The following TFB1M variants were observed in gnomAD, a reference collection of about 807,000 sequenced individuals.
The protein encoded by TFB1M is transcription factor B1, mitochondrial, also known as dimethyladenosine transferase 1, mitochondrial.
A neutral mutation model predicts 31.1 loss-of-function variants in TFB1M; 27 were observed. That is an observed-to-expected ratio of 0.87 (90% CI 0.64 to 1.20). The LOEUF (loss-of-function observed/expected upper bound fraction) is 1.20. Ranked by LOEUF, TFB1M falls within the 50% of genes most tolerant of loss-of-function variation. The probability of loss-of-function intolerance (pLI) is 0.00; values close to 1 mark genes in which losing one functional copy is unlikely to be tolerated. For synonymous variants in TFB1M, 166 were observed against 151.8 expected (o/e 1.09, Z -0.69); for missense variants, 394 against 418.7 (o/e 0.94, Z 0.51).
intron 2 of TFB1M, among the ~76,000 whole-genome samples, chr6:155,309,564 A>C (rs1002497864): frequency 6.6e-6 from 1 of 152,148 alleles, no homozygotes; most frequent in Non-Finnish European, 1.5e-5. Context: ...TTCATATCAA[A>C]GAGGGGAATA....
intron 4 of TFB1M, among the ~76,000 whole-genome samples, chr6:155,285,578 C>T (rs1286091455): frequency 6.6e-6 from 1 of 152,118 alleles, no homozygotes; most frequent in Non-Finnish European, 1.5e-5. Context: ...AGCAGAAGGT[C>T]CTACATAAAA....
Position 155,285,257 on chromosome 6 carries a change from T to C in TFB1M, c.567A>G (p.Gly189=). ...EVAERLAANT[G]SKQRSRLSVM... is the part of the protein sequence containing the mutation. ...CAGAGAGGCGACTACGCTGTTTGCT[T>C]CCTGTATTGGCTGCAAGTCTCTAGA... The change falls in exon 5 of 7, where the codon GGA becomes GGG. Residue 189 remains glycine (G), a synonymous_variant. Transcript: ENST00000367166. 1.2e-6 allele frequency: 2 copies of C among 1,614,002 alleles called. No individual in the cohort carries two copies. Among genetic ancestry groups the C allele is most frequent in the Non-Finnish European group, 1.7e-6 (2 of 1,179,888 alleles).
the TFB1M span, among the ~76,000 whole-genome samples, chr6:155,230,196 T>G: frequency 6.6e-6 from 1 of 152,096 alleles, no homozygotes; most frequent in Non-Finnish European, 1.5e-5. Flanking sequence ...CCACTCCTGC[T>G]CTCCCCTGAG....
chr6:155,293,812 TA>T (rs1279236674), intron 4 of TFB1M, among the ~76,000 whole-genome samples: 3 of 152,232 alleles, frequency 2.0e-5, no homozygotes, highest in African/African-American at 4.8e-5. Context: ...CACTCCCTGT[TA>T]TATTTAGTTT....
At position 155,311,210 on chromosome 6, in the gene TFB1M, G is replaced by A. The variant is rs774073639; in HGVS notation, c.263C>T (p.Thr88Ile). The change falls in exon 2 of 7, where the codon ACT (threonine) becomes ATT (isoleucine). Residue 88 changes from threonine (T) to isoleucine (I), a missense_variant. Transcript: ENST00000367166. The part of the protein sequence containing the change: ...VAELLVVEKD[T>I]RFIPGLQMLS... Reference sequence around the variant, plus strand: ...CACCTGTAATCCAGGAATAAATCGAGTGTCCTTTTCAACCACCAGAAGTTC... The same window carrying A: ...CACCTGTAATCCAGGAATAAATCGAATGTCCTTTTCAACCACCAGAAGTTC... 6 of 1,614,072 alleles carry A rather than the reference G, an allele frequency of 3.7e-6. No homozygotes were observed. Among genetic ancestry groups the A allele is most frequent in the Non-Finnish European group, 5.1e-6 (6 of 1,179,956 alleles).
Position 155,297,018 on chromosome 6 carries a change from T to C in TFB1M, c.481A>G (p.Arg161Gly), listed in dbSNP as rs1162797754. The change falls in exon 4 of 7, where the codon AGA (arginine) becomes GGA (glycine). Residue 161 changes from arginine (R) to glycine (G), a missense_variant. By Grantham distance (125) the Arg-to-Gly change is moderately radical. Transcript: ENST00000367166. The part of the protein sequence containing the change: ...IIKWLENISC[R>G]DGPFVYGRTQ... ...CTGCCATAAACAAAAGGTCCATCTC[T>C]ACAGGAAATATTTTCAAGCCACTTG... 1.2e-6 allele frequency: 2 copies of C among 1,613,956 alleles called. No homozygotes were observed. The highest frequency in any genetic ancestry group is 1.7e-6 in the Non-Finnish European group (2 of 1,179,904).
intron 4 of TFB1M, among the ~76,000 whole-genome samples, chr6:155,293,081 T>C (rs1422599095): frequency 6.6e-6 from 1 of 152,038 alleles, no homozygotes; most frequent in African/African-American, 2.4e-5. Flanking sequence ...CAAGCAATCC[T>C]CCCACCTTAG....
chr6:155,244,626 T>A, the TFB1M span: 2 of 1,609,370 alleles, frequency 1.2e-6, no homozygotes, highest in Non-Finnish European at 1.7e-6. Flanking sequence ...TCATGGCTAA[T>A]CCCCTCATTT....
chr6:155,309,863 T>C (rs560837861), intron 2 of TFB1M, among the ~76,000 whole-genome samples: 25 of 152,336 alleles, frequency 1.6e-4, no homozygotes, highest in Non-Finnish European at 3.1e-4. Flanking sequence ...AAAATCACTA[T>C]TAAATTCCAC....
intron 4 of TFB1M, among the ~76,000 whole-genome samples, chr6:155,290,115 G>GGTGGCTCAC (rs1438592162): frequency 6.6e-5 from 10 of 152,286 alleles, no homozygotes; most frequent in African/African-American, 2.2e-4. Context: ...GGCTGGGCGT[G>GGTGGCTCAC]GTGGCTCACG....
chr6:155,231,215 C>A, the TFB1M span, among the ~76,000 whole-genome samples: 1 of 152,174 alleles, frequency 6.6e-6, no homozygotes, highest in African/African-American at 2.4e-5. Context: ...GCATCACTGG[C>A]AGCTGCTGCA....
downstream of TFB1M, chr6:155,253,375 AATT>A: frequency 3.5e-6 from 1 of 284,788 alleles, no homozygotes; most frequent in African/African-American, 2.2e-5. Context: ...TGTTTTTACA[AATT>A]TAGAATATAG....
downstream of TFB1M, among the ~76,000 whole-genome samples, chr6:155,252,748 A>G (rs1562375584): frequency 6.6e-6 from 1 of 152,112 alleles, no homozygotes; most frequent in Non-Finnish European, 1.5e-5. Flanking sequence ...CTGAACCACA[A>G]CTCTGCCTCC....
In TFB1M at chr6:155,260,301, G is replaced by A. The variant is rs564006101; in HGVS notation, c.766C>T (p.Arg256Ter). 8.1e-6 allele frequency: 13 copies of A among 1,614,002 alleles called. No individual in the cohort carries two copies. Among genetic ancestry groups the A allele is most frequent in the South Asian group, 5.5e-5 (5 of 91,084 alleles). ...EKVVQNVFQF[R>*]RKYCHRGLRM... ...AGCCCTCGATGGCAGTATTTCCTTC[G>A]GAACTGAAATACATTCTGAACCACT... is the stretch of plus-strand genomic sequence containing the variant. The change falls in exon 6 of 7, where the codon CGA becomes TGA. Residue 256 changes from arginine to a stop codon, truncating the protein, a stop_gained. Coordinates refer to ENST00000367166, the MANE Select transcript of TFB1M (RefSeq NM_016020.4). LOFTEE classifies it low-confidence loss of function (END_TRUNC).
downstream of TFB1M, chr6:155,251,797 G>A: frequency 1.5e-6 from 1 of 660,018 alleles, no homozygotes; most frequent in East Asian, 2.8e-5. Context: ...CGAAAGGGAA[G>A]TACCATTTAT....
intron 5 of TFB1M, among the ~76,000 whole-genome samples, chr6:155,277,489 G>A (rs1189439865): frequency 6.6e-6 from 1 of 152,046 alleles, no homozygotes; most frequent in Non-Finnish European, 1.5e-5. Context: ...AATGGTAAAG[G>A]GGAAAAAAGA....
downstream of TFB1M, among the ~76,000 whole-genome samples, chr6:155,251,246 C>A (rs772126938): frequency 6.6e-6 from 1 of 152,224 alleles, no homozygotes; most frequent in Non-Finnish European, 1.5e-5. Flanking sequence ...CCAAGTGTTA[C>A]AGGAACAGAT....
the TFB1M span, among the ~76,000 whole-genome samples, chr6:155,246,280 A>T: frequency 6.6e-6 from 1 of 152,090 alleles, no homozygotes; most frequent in Non-Finnish European, 1.5e-5. Context: ...GTGCTCATTC[A>T]TGTCCACGGA....
chr6:155,256,437 T>C lies in TFB1M; in HGVS notation c.*1399A>G, dbSNP rs994328039. 6.2e-7 allele frequency: 1 copy of C among 1,612,950 alleles called. No individual in the cohort carries two copies. The highest frequency in any genetic ancestry group is 8.5e-7 in the Non-Finnish European group (1 of 1,179,736). On this transcript the variant is annotated 3_prime_UTR_variant, in exon 7 of 7. Transcript: ENST00000367166. ...GCTTTGAGGCAAACATTACACATTGTGTAACCTGTTTCTGTATCACAGCGA... is the reference window on the plus strand; with the variant it reads ...GCTTTGAGGCAAACATTACACATTGCGTAACCTGTTTCTGTATCACAGCGA...
Sources: allele counts gnomAD v4.1 joint callset (sites outside exome capture counted in the v4.1 genomes callset), GRCh38; gene constraint gnomAD v4.1.1; transcripts MANE v1.5; gene names NCBI Gene and HGNC (gene_info 2026-07-23, HGNC 2026-07-21).